Variants in PRKD3 observed in about 807,000 individuals in gnomAD.
PRKD3 encodes serine/threonine-protein kinase D3.
A neutral mutation model predicts 99.2 loss-of-function variants in PRKD3; 47 were observed. The observed-to-expected ratio is 0.47, with a 90% CI of 0.38 to 0.60. The LOEUF (loss-of-function observed/expected upper bound fraction) is 0.60, where lower values mean the gene tolerates loss of function less well. Among genes scored for constraint, PRKD3 ranks in the 20% least tolerant of loss-of-function variants. PRKD3 has a pLI of 0.00. For missense variants in PRKD3, 1,019 were observed against 1,088.4 expected, an observed-to-expected ratio of 0.94 and a Z score of 0.90; for synonymous variants, 392 against 355.4, an observed-to-expected ratio of 1.10 and a Z score of -1.16.
At chr2:37,279,491 ATTTTTC>A (rs1397402803) in intron 8 of PRKD3, 1 of 255,864 alleles carries the variant, frequency 3.9e-6, no homozygotes, top group East Asian at 7.7e-5. Flanking sequence ...CACTTAAAGC[ATTTTTC>A]TTTAAGAACA....
chr2:37,288,339 T>A (rs995179973), intron 5 of PRKD3, among the ~76,000 whole-genome samples: 1 of 152,194 alleles, frequency 6.6e-6, no homozygotes, highest in Non-Finnish European at 1.5e-5. Flanking sequence ...CGCAGCACTC[T>A]TTTTATCCTT....
At chr2:37,267,733 A>T in intron 13 of PRKD3, 197 bp from the exon 14 acceptor site, 1 of 506,832 alleles carries the variant, frequency 2.0e-6, no homozygotes, top group Non-Finnish European at 3.4e-6. Flanking sequence ...TTTGCCCCTA[A>T]TAAAGTCAGC....
intron 2 of PRKD3, among the ~76,000 whole-genome samples, chr2:37,312,433 A>T (rs10190959): frequency 0.32 from 48,661 of 152,130 alleles, 8,756 homozygotes; most frequent in East Asian, 0.43. Context: ...CTCAGAGGCA[A>T]ACACAGCTTT....
intron 18 of PRKD3, 59 bp from the exon 19 acceptor site, chr2:37,253,409 T>A: frequency 6.8e-7 from 1 of 1,467,674 alleles, no homozygotes; most frequent in Non-Finnish European, 9.2e-7. Flanking sequence ...GTCAACCTGG[T>A]TTTTGTTTTG....
chr2:37,257,666 CAAAAGAAAAAAAAAA>C (rs1260841867), intron 16 of PRKD3, among the ~76,000 whole-genome samples: 4 of 62,436 alleles, frequency 6.4e-5, no homozygotes, highest in Middle Eastern at 0.011. Context: ...GACTCTGTCT[CAAAAGAAAAAAAAAA>C]AAAAAAAAAA....
At chr2:37,271,319 G>C (rs917943201) in intron 12 of PRKD3, among the ~76,000 whole-genome samples, 7 of 151,944 alleles carry the variant, frequency 4.6e-5, no homozygotes, top group Non-Finnish European at 7.4e-5. Context: ...ATCTAAAAAT[G>C]GTCTTTAAAT....
At chr2:37,264,201 A>G (rs942095323) in intron 14 of PRKD3, among the ~76,000 whole-genome samples, 2 of 152,204 alleles carry the variant, frequency 1.3e-5, no homozygotes, top group Non-Finnish European at 2.9e-5. Context: ...GTAACTGTAT[A>G]TAGACATACA....
intron 2 of PRKD3, among the ~76,000 whole-genome samples, chr2:37,312,577 T>C (rs1247921455): frequency 6.6e-6 from 1 of 152,202 alleles, no homozygotes; most frequent in Non-Finnish European, 1.5e-5. Context: ...TCATCTTTTG[T>C]TAGTGACTCT....
chr2:37,309,601 G>A (rs893963584), intron 2 of PRKD3, among the ~76,000 whole-genome samples: 2 of 152,148 alleles, frequency 1.3e-5, no homozygotes, highest in African/African-American at 4.8e-5. Flanking sequence ...TGTAATCCCA[G>A]CACTTTGGGA....
intron 2 of PRKD3, among the ~76,000 whole-genome samples, chr2:37,298,080 T>C (rs1013740368): frequency 3.9e-5 from 6 of 152,220 alleles, no homozygotes; most frequent in African/African-American, 7.2e-5. Context: ...TATATCAATA[T>C]AGACTCATGG....
chr2:37,290,911 A>G lies in PRKD3; in HGVS notation c.516T>C (p.Gly172=). 2 of 1,603,858 alleles carry G rather than the reference A, an allele frequency of 1.2e-6. No homozygotes were observed. The highest frequency in any genetic ancestry group is 1.7e-6 in the Non-Finnish European group (2 of 1,170,698). ...GACGTACCAATCCCCAGAGCATCTC[A>G]CCACAGTAATCACAGAAAGTAGGAG... The part of the protein sequence containing the change: ...YKAPTFCDYC[G]EMLWGLVRQG... The change falls in exon 4 of 19, where the codon GGT becomes GGC. Residue 172 remains glycine (G), a synonymous_variant. Transcript: ENST00000234179.
At chr2:37,289,294 A>AATTT (rs1670272139) in intron 5 of PRKD3, 62 bp downstream of exon 5, 7 of 1,548,974 alleles carry the variant, frequency 4.5e-6, no homozygotes, top group Non-Finnish European at 6.2e-6. Context: ...GTGATGTCAT[A>AATTT]CACCCTGTAG....
chr2:37,272,618 A>C (rs1669340952), intron 11 of PRKD3, among the ~76,000 whole-genome samples, 186 bp from the exon 12 acceptor site: 1 of 152,228 alleles, frequency 6.6e-6, no homozygotes, highest in African/African-American at 2.4e-5. Flanking sequence ...ATACATCCAT[A>C]CAAAAGAATA....
intron 18 of PRKD3, 48 bp from the exon 19 acceptor site, chr2:37,253,398 T>C (rs371146087): frequency 1.3e-6 from 2 of 1,505,020 alleles, no homozygotes; most frequent in South Asian, 2.5e-5. Flanking sequence ...AACAAAATAC[T>C]GTCAACCTGG....
intron 13 of PRKD3, chr2:37,268,327 G>A (rs1232683870): frequency 2.1e-6 from 1 of 470,962 alleles, no homozygotes; most frequent in Non-Finnish European, 4.4e-6. Context: ...TTCCTCTGAT[G>A]ACAGGAAGTC....
At chr2:37,299,343 G>A (rs191159650) in intron 2 of PRKD3, among the ~76,000 whole-genome samples, 1 of 152,112 alleles carries the variant, frequency 6.6e-6, no homozygotes. Context: ...AAAAGCACAG[G>A]TAGCCAAAAT....
chr2:37,258,046 G>T (rs1380103003), intron 16 of PRKD3, among the ~76,000 whole-genome samples: 1 of 152,198 alleles, frequency 6.6e-6, no homozygotes, highest in African/African-American at 2.4e-5. Context: ...AAATCTGGGG[G>T]ATTAATGACC....
At chr2:37,318,525 C>T (rs1157846275) in intron 1 of PRKD3, among the ~76,000 whole-genome samples, 1 of 152,124 alleles carries the variant, frequency 6.6e-6, no homozygotes, top group African/African-American at 2.4e-5. Flanking sequence ...CACTATTTCT[C>T]GAAGAGAACA....
intron 1 of PRKD3, among the ~76,000 whole-genome samples, chr2:37,321,149 C>T (rs1050785193): frequency 6.6e-6 from 1 of 152,174 alleles, no homozygotes; most frequent in African/African-American, 2.4e-5. Flanking sequence ...AATTTACAAA[C>T]TATATACCAA....
Sources: allele counts gnomAD v4.1 joint callset (sites outside exome capture counted in the v4.1 genomes callset), GRCh38; gene constraint gnomAD v4.1.1; transcripts MANE v1.5; gene names NCBI Gene and HGNC (gene_info 2026-07-23, HGNC 2026-07-21).